Variants in METAP1D observed in about 807,000 individuals in gnomAD.
METAP1D encodes methionine aminopeptidase 1D, mitochondrial.
Under a neutral mutation model 40.5 loss-of-function variants are expected in METAP1D, and 31 were observed. That is an observed-to-expected ratio of 0.77 (90% CI 0.58 to 1.03). METAP1D has a LOEUF of 1.03. Among genes scored for constraint, METAP1D ranks in the 50% least tolerant of loss-of-function variants. The pLI is 0.00. For missense variants in METAP1D, 411 were observed against 420.7 expected (o/e 0.98, Z 0.20); for synonymous variants, 151 against 146.4 (o/e 1.03, Z -0.22).
Position 172,080,195 on chromosome 2 carries a change from A to G in METAP1D, c.918A>G (p.Leu306=). ...AGGATGCATGGACTGTGGTCTCCCT[A>G]GACAATCAAAGGTGTTTGCTTTCTG... is the stretch of plus-strand genomic sequence containing the variant. ...VLEDAWTVVS[L]DNQRSAQFEH... The change falls in exon 9 of 10, where the codon CTA becomes CTG. Residue 306 remains leucine, a synonymous_variant. Transcript: ENST00000315796. 1.9e-6 allele frequency: 3 copies of G among 1,614,234 alleles called. No homozygotes were observed. The highest frequency in any genetic ancestry group is 2.2e-5 in the East Asian group (1 of 44,892).
At chr2:172,022,419 C>T (rs1348266711) in intron 1 of METAP1D, among the ~76,000 whole-genome samples, 4 of 152,064 alleles carry the variant, frequency 2.6e-5, no homozygotes, top group Admixed American at 6.6e-5. Flanking sequence ...AGACATCTAT[C>T]AGTACTCACA....
At chr2:172,043,605 A>T (rs1483387391) in intron 1 of METAP1D, among the ~76,000 whole-genome samples, 1 of 135,122 alleles carries the variant, frequency 7.4e-6, no homozygotes, top group Non-Finnish European at 1.7e-5. Context: ...TATTTTATTT[A>T]TATTTAATAG....
intron 1 of METAP1D, among the ~76,000 whole-genome samples, chr2:172,002,448 T>A (rs1225982175): frequency 6.6e-6 from 1 of 152,190 alleles, no homozygotes; most frequent in East Asian, 1.9e-4. Context: ...TCACTTATTA[T>A]TTTGACAAAT....
intron 1 of METAP1D, among the ~76,000 whole-genome samples, chr2:172,010,841 G>A (rs907891160): frequency 2.1e-5 from 3 of 145,512 alleles, no homozygotes; most frequent in Non-Finnish European, 3.0e-5. Flanking sequence ...TGCAACCTCC[G>A]CCTCCCAGGT....
chr2:172,054,391 T>C (rs1411846972), intron 1 of METAP1D, among the ~76,000 whole-genome samples: 1 of 151,912 alleles, frequency 6.6e-6, no homozygotes, highest in African/African-American at 2.4e-5. Flanking sequence ...TGGTGGTGGG[T>C]GCCTGTAATC....
At chr2:172,062,495 T>C (rs1690162442) in intron 2 of METAP1D, among the ~76,000 whole-genome samples, 1 of 152,180 alleles carries the variant, frequency 6.6e-6, no homozygotes. Context: ...AAATCTCTGG[T>C]GAGGTGAATT....
At chr2:172,030,805 A>C (rs1299504031) in intron 1 of METAP1D, among the ~76,000 whole-genome samples, 1 of 152,180 alleles carries the variant, frequency 6.6e-6, no homozygotes, top group East Asian at 1.9e-4. Flanking sequence ...GTTGTATGTG[A>C]ACCAGTTGTT....
intron 6 of METAP1D, among the ~76,000 whole-genome samples, chr2:172,075,248 G>A (rs879445836): frequency 2.0e-5 from 3 of 152,220 alleles, no homozygotes; most frequent in Non-Finnish European, 4.4e-5. Flanking sequence ...TTCATGGGCA[G>A]ATGTCACACT....
chr2:172,013,264 ACCCCCTCCTGCCTCAGAGG>A (rs1688771566), intron 1 of METAP1D, among the ~76,000 whole-genome samples: 1 of 151,830 alleles, frequency 6.6e-6, no homozygotes, highest in African/African-American at 2.4e-5. Flanking sequence ...GTTCAGGTCC[ACCCCCTCCTGCCTCAGAGG>A]CCTGGGAAAC....
chr2:172,035,928 G>A (rs1689365167), intron 1 of METAP1D, among the ~76,000 whole-genome samples: 1 of 152,132 alleles, frequency 6.6e-6, no homozygotes, highest in Non-Finnish European at 1.5e-5. Context: ...GATTACAGGT[G>A]TGAGAGACCA....
At chr2:172,020,390 G>A (rs572820545) in intron 1 of METAP1D, among the ~76,000 whole-genome samples, 8 of 152,118 alleles carry the variant, frequency 5.3e-5, no homozygotes, top group Non-Finnish European at 1.0e-4. Context: ...TAAAGCTTTC[G>A]GGTAGTTGAT....
intron 5 of METAP1D, 144 bp downstream of exon 5, chr2:172,066,450 T>G (rs1690282892): frequency 3.1e-6 from 2 of 645,932 alleles, no homozygotes; most frequent in Admixed American, 3.2e-5. Context: ...TTTCCTTTTT[T>G]GTCTTTAACT....
intron 1 of METAP1D, among the ~76,000 whole-genome samples, chr2:172,005,548 T>A (rs1442728667): frequency 3.5e-4 from 28 of 79,494 alleles, no homozygotes; most frequent in South Asian, 9.8e-4. Context: ...ATATATATCT[T>A]TTTTTTTTTT....
rs370017216 is a variant in METAP1D at position 172,075,465 on chromosome 2, C to G, written c.705-2332C>G. 3.9e-5 allele frequency among the ~76,000 whole-genome samples: 6 copies of G among 152,272 alleles called. No homozygotes were observed. In the South Asian group the frequency reaches 6.2e-4, roughly 16 times the overall value. On this transcript the variant is annotated intron_variant, in intron 6 of 9. Transcript: ENST00000315796. ...CTGCCTGCCCTGCTGTTTCCATTTT[C>G]CCCAGCATGCCAGTCAAGAGCTGCA...
intron 1 of METAP1D, among the ~76,000 whole-genome samples, chr2:172,042,209 GTA>G (rs1689557101): frequency 4.6e-5 from 2 of 43,618 alleles, no homozygotes; most frequent in African/African-American, 9.7e-5. Flanking sequence ...ATATACATAT[GTA>G]TGTGTACATG....
chr2:172,033,214 A>C (rs1354979674), intron 1 of METAP1D, among the ~76,000 whole-genome samples: 1 of 152,166 alleles, frequency 6.6e-6, no homozygotes, highest in Non-Finnish European at 1.5e-5. Flanking sequence ...GAATGTGAGA[A>C]GTGCTAGGGA....
At chr2:172,031,155 G>T (rs1689233503) in intron 1 of METAP1D, among the ~76,000 whole-genome samples, 1 of 152,174 alleles carries the variant, frequency 6.6e-6, no homozygotes, top group African/African-American at 2.4e-5. Flanking sequence ...GTCCCCTACA[G>T]CCTTCTTGGA....
intron 7 of METAP1D, 127 bp from the exon 8 acceptor site, chr2:172,079,088 C>G (rs746426048): frequency 6.6e-6 from 6 of 902,320 alleles, no homozygotes; most frequent in Non-Finnish European, 1.0e-5. Context: ...AATCTCCACC[C>G]TTCCTTCTCT....
intron 1 of METAP1D, among the ~76,000 whole-genome samples, chr2:172,058,906 A>G (rs1690061416): frequency 6.6e-6 from 1 of 152,132 alleles, no homozygotes; most frequent in Admixed American, 6.5e-5. Flanking sequence ...AGAGTTTTGA[A>G]GCCAGTACTT....
Sources: allele counts gnomAD v4.1 joint callset (sites outside exome capture counted in the v4.1 genomes callset), GRCh38; gene constraint gnomAD v4.1.1; transcripts MANE v1.5; gene names NCBI Gene and HGNC (gene_info 2026-07-23, HGNC 2026-07-21).